Variants in TRO observed in about 807,000 individuals in gnomAD.
The protein encoded by TRO is MAGE superfamily protein.
Under a neutral mutation model 42.3 loss-of-function variants are expected in TRO, and 29 were observed. The ratio of observed to expected loss-of-function variants is 0.68; its 90% confidence interval spans 0.51 to 0.93. TRO has a LOEUF of 0.93. Among genes scored for constraint, TRO ranks in the 40% least tolerant of loss-of-function variants. The pLI is 0.00. For synonymous variants in TRO, 384 were observed against 425.2 expected, an observed-to-expected ratio of 0.90 and a Z score of 1.19; for missense variants, 963 against 1,127.7, an observed-to-expected ratio of 0.85 and a Z score of 2.09.
In TRO at chrX:54,927,058, C is replaced by A. The variant is rs758809460; in HGVS notation, c.1716C>A (p.Leu572=). The A allele has an allele frequency of 5.0e-6, 6 of 1,211,642 alleles. No homozygotes were observed. In the South Asian group the frequency reaches 8.8e-5, roughly 18 times the overall value. The part of the protein sequence containing the change: ...LGLRPGVRHS[L]FGEVRKLITD... ...CCATTGTCAGGGTGAGGCATTCACT[C>A]TTTGGGGAAGTGAGGAAGCTCATCA... The change falls in exon 10 of 13, where the codon CTC becomes CTA. Residue 572 remains leucine (L), a synonymous_variant. Coordinates refer to ENST00000173898, the MANE Select transcript of TRO (RefSeq NM_001039705.3).
rs377450217 is a variant in TRO, at chrX:54,929,337, T to A, written c.2613T>A (p.Ser871Arg). ...GVLSTSTSFG[S>R]APTTSTVFSS... ...TCAGCACTAGCACCAGCTTTGGCAG[T>A]GCACCCACAACGAGCACAGTCTTCA... Residue 871 changes from serine (S) to arginine (R), a missense_variant, in exon 12 of 13, where the codon AGT (serine) becomes AGA (arginine). Transcript: ENST00000173898. 8.2e-7 allele frequency: 1 copy of A among 1,212,492 alleles called. No homozygotes were observed. The highest frequency in any genetic ancestry group is 3.0e-5 in the East Asian group (1 of 33,852).
At chrX:54,927,307 G>A (rs1932800477) in intron 10 of TRO, 2 of 506,647 alleles carry the variant, frequency 3.9e-6, no homozygotes, top group South Asian at 3.0e-5. Context: ...CTTGCAGTGG[G>A]GTGCGCTCAG....
At chrX:54,925,395 A>T (rs1399541116) in intron 6 of TRO, among the ~76,000 whole-genome samples, 197 bp from the exon 7 acceptor site, 14 of 112,075 alleles carry the variant, frequency 1.2e-4, no homozygotes, top group Non-Finnish European at 2.4e-4. Flanking sequence ...CACAAAGATG[A>T]TGTTGATGAC....
chrX:54,925,113 A>T, intron 6 of TRO, 45 bp downstream of exon 6: 1 of 1,114,887 alleles, frequency 9.0e-7, no homozygotes, highest in Admixed American at 2.3e-5. Context: ...GGAAGCTTTG[A>T]ATCGAGCAAA....
chrX:54,925,418 G>A (rs1010614606), intron 6 of TRO, among the ~76,000 whole-genome samples, 174 bp from the exon 7 acceptor site: 1 of 112,001 alleles, frequency 8.9e-6, no homozygotes, highest in Non-Finnish European at 1.9e-5. Flanking sequence ...TAGTACATTT[G>A]CTGTGTGTTT....
rs200531038 is a variant in TRO, at chrX:54,930,131, G to T, written c.3407G>T (p.Ser1136Ile). The T allele has an allele frequency of 6.9e-4, 841 of 1,210,314 alleles. No homozygotes were observed. Among genetic ancestry groups the T allele is most frequent in the Non-Finnish European group, 9.2e-4 (820 of 895,192 alleles). ...GGCTTTGGTGCTGCTCCCAGCACCAGTGTCAGCTTTGGTGGTGCTCATGGC... is the reference window on the plus strand; with the variant it reads ...GGCTTTGGTGCTGCTCCCAGCACCATTGTCAGCTTTGGTGGTGCTCATGGC... ...SIGFGAAPSTSVSFGGAHGTS... is the reference protein window; with the variant it reads ...SIGFGAAPSTIVSFGGAHGTS... Residue 1136 changes from serine (S) to isoleucine (I), a missense_variant, in exon 12 of 13, where the codon AGT (serine) becomes ATT (isoleucine). Ser to Ile is a moderately radical substitution (Grantham distance 142, BLOSUM62 -2). Around this residue, in one of 2 missense-constraint regions of TRO, gnomAD observed 641 missense variants for 811.3 expected, o/e 0.79. Coordinates refer to ENST00000173898, the MANE Select transcript of TRO (RefSeq NM_001039705.3).
intron 12 of TRO, 32 bp downstream of exon 12, chrX:54,931,063 C>A: frequency 8.6e-7 from 1 of 1,169,489 alleles, no homozygotes; most frequent in Non-Finnish European, 1.1e-6. Context: ...CCAGGACCCA[C>A]AGGGATGGGT....
chrX:54,923,895 G>A, intron 3 of TRO, 127 bp downstream of exon 3: 1 of 738,225 alleles, frequency 1.4e-6, no homozygotes, highest in Non-Finnish European at 1.9e-6. Context: ...GGCTGTGGAA[G>A]ATGCTGAGAA....
rs897442922 is a variant in TRO, at chrX:54,922,541, C to T, written c.46-37C>T. On this transcript the variant is annotated intron_variant, in intron 2 of 12. Coordinates refer to ENST00000173898, the MANE Select transcript of TRO (RefSeq NM_001039705.3). ...TGGAAAGGGATGGGCTTTAGCGAGGCCAAATGGCCCAGAGGATGGTAATCC... is the reference window on the plus strand; with the variant it reads ...TGGAAAGGGATGGGCTTTAGCGAGGTCAAATGGCCCAGAGGATGGTAATCC... 3 of 1,154,837 alleles carry T rather than the reference C, an allele frequency of 2.6e-6. No homozygotes were observed. The African/African-American group carries it at 5.4e-5, about 21-fold the overall frequency.
intron 11 of TRO, 71 bp from the exon 12 acceptor site, chrX:54,928,532 A>T (rs1278729210): frequency 9.1e-7 from 1 of 1,102,676 alleles, no homozygotes. Context: ...TACTAGTTTA[A>T]TACAAAGCCC....
intron 3 of TRO, among the ~76,000 whole-genome samples, chrX:54,924,218 C>T (rs1276988907): frequency 8.9e-6 from 1 of 112,076 alleles, no homozygotes; most frequent in African/African-American, 3.2e-5. Flanking sequence ...CCCTTAGGCT[C>T]TTATCTTGAG....
At position 54,928,674 on chromosome X, in the gene TRO, A is replaced by AGCTGTG. The variant is rs1288040653; in HGVS notation, c.1961_1966dup (p.Val654_Ala655dup). On this transcript the variant is annotated inframe_insertion, in exon 12 of 13. Coordinates refer to ENST00000173898, the MANE Select transcript of TRO (RefSeq NM_001039705.3). ...CAGTGGAGATGGAAGTCCAAGCTGC[A>AGCTGTG]GCTGTGGCTGTGGCTGAGGCTGAAG... 2 of 1,204,000 alleles carry AGCTGTG rather than the reference A, an allele frequency of 1.7e-6. No homozygotes were observed. The highest frequency in any genetic ancestry group is 1.8e-5 in the South Asian group (1 of 55,176).
At chrX:54,927,396 G>A in intron 10 of TRO, 1 of 485,799 alleles carries the variant, frequency 2.1e-6, no homozygotes, top group South Asian at 3.0e-5. Context: ...CAGGTGGCAT[G>A]ATACTTTGGC....
At chrX:54,927,148 G>A (rs1260921029) in intron 10 of TRO, 43 bp downstream of exon 10, 1 of 1,186,286 alleles carries the variant, frequency 8.4e-7, no homozygotes, top group South Asian at 1.8e-5. Flanking sequence ...AAGTGTTCTG[G>A]GTATACTGAT....
In TRO at chrX:54,923,383, C is replaced by G; in HGVS notation, c.851C>G (p.Ala284Gly). Residue 284 changes from alanine to glycine, a missense_variant, in exon 3 of 13, where the codon GCT becomes GGT. By Grantham distance (60) the Ala-to-Gly change is moderately conservative (BLOSUM62 0). Coordinates refer to ENST00000173898, the MANE Select transcript of TRO (RefSeq NM_001039705.3). ...GAGGCTCTAAATGTCACTGACGCAG[C>G]TACCAGGCAGATTGAGGCCTCAGTA... is the stretch of plus-strand genomic sequence containing the variant. ...HIEALNVTDA[A>G]TRQIEASVVA... 1 of 1,205,145 alleles carries G rather than the reference C, an allele frequency of 8.3e-7. No homozygotes were observed. Among genetic ancestry groups the G allele is most frequent in the Non-Finnish European group, 1.1e-6 (1 of 891,869 alleles).
intron 5 of TRO, 73 bp downstream of exon 5, chrX:54,924,806 A>G: frequency 1.9e-6 from 2 of 1,065,144 alleles, no homozygotes; most frequent in Non-Finnish European, 2.6e-6. Context: ...TGGGAGTAAC[A>G]CTTTATGGCC....
chrX:54,926,000 T>A (rs1932715213), intron 7 of TRO, among the ~76,000 whole-genome samples: 2 of 111,384 alleles, frequency 1.8e-5, no homozygotes, highest in Non-Finnish European at 3.8e-5. Flanking sequence ...TTTGACAGAG[T>A]GGTTCTCAAG....
rs1246100291 is a variant in TRO, at chrX:54,923,336, A to G, written c.804A>G (p.Ile268Met). ...SKARKTIAKV[I>M]NTDTEHIEAL... is the part of the protein sequence containing the mutation. ...CCAGGAAGACAATTGCTAAGGTCATAAATACTGACACTGAGCATATAGAGG... is the reference window on the plus strand; with the variant it reads ...CCAGGAAGACAATTGCTAAGGTCATGAATACTGACACTGAGCATATAGAGG... Residue 268 changes from isoleucine (I) to methionine (M), a missense_variant, in exon 3 of 13, where the codon ATA becomes ATG. Transcript: ENST00000173898. 3 of 1,208,500 alleles carry G rather than the reference A, an allele frequency of 2.5e-6. No homozygotes were observed. The highest frequency in any genetic ancestry group is 3.4e-6 in the Non-Finnish European group (3 of 894,390).
In TRO at chrX:54,923,522, C is replaced by T; in HGVS notation, c.990C>T (p.Ala330=). 1 of 1,187,335 alleles carries T rather than the reference C, an allele frequency of 8.4e-7. No individual in the cohort carries two copies. The part of the protein sequence containing the change: ...PLATQIVTNQ[A]LAATLRVKRG... ...CCACTCAGATAGTCACAAACCAAGC[C>T]CTGGCAGCCACCCTGCGGGTCAAGA... The change falls in exon 3 of 13, where the codon GCC becomes GCT. Residue 330 remains alanine (A), a synonymous_variant. Transcript: ENST00000173898.
Sources: gnomAD v4.1 joint callset for allele counts (sites outside exome capture counted in the v4.1 genomes callset) on GRCh38, gnomAD v4.1.1 for gene constraint, gnomAD v4.1.1 regional missense constraint, MANE v1.5 for transcripts, NCBI Gene and HGNC (gene_info 2026-07-23, HGNC 2026-07-21) for gene names.